The following PTPN11 variants were observed in gnomAD, a reference collection of about 807,000 sequenced individuals.
The protein encoded by PTPN11 is protein tyrosine phosphatase non-receptor type 11.
In PTPN11, 6 loss-of-function variants were observed where a neutral mutation model predicts 78.8. The ratio of observed to expected loss-of-function variants is 0.08; its 90% CI spans 0.04 to 0.15. PTPN11 has a LOEUF of 0.15. Ranked by LOEUF, PTPN11 falls within the 10% of genes least tolerant of loss-of-function variation. The probability of loss-of-function intolerance (pLI) is 1.00; values close to 1 mark genes in which losing one functional copy is unlikely to be tolerated. For missense variants in PTPN11, 386 were observed against 744.8 expected, an observed-to-expected ratio of 0.52 and a Z score of 5.61; for synonymous variants, 221 against 263.5, an observed-to-expected ratio of 0.84 and a Z score of 1.56.
chr12:112,499,571 C>T (rs1268405765), intron 13 of PTPN11, among the ~76,000 whole-genome samples: 1 of 152,060 alleles, frequency 6.6e-6, no homozygotes, highest in Non-Finnish European at 1.5e-5. Flanking sequence ...AACTCCTAAC[C>T]TCAAGTGACC....
chr12:112,480,989 G>C (rs1380715152), intron 9 of PTPN11, among the ~76,000 whole-genome samples: 3 of 152,160 alleles, frequency 2.0e-5, no homozygotes, highest in Admixed American at 2.0e-4. Flanking sequence ...TGATTTTCTT[G>C]GTGCCATATT....
At chr12:112,468,127 G>A (rs551247169) in intron 6 of PTPN11, among the ~76,000 whole-genome samples, 1 of 152,268 alleles carries the variant, frequency 6.6e-6, no homozygotes, top group South Asian at 2.1e-4. Flanking sequence ...CTGGCAGCCT[G>A]TGTCCCTGCT....
At chr12:112,491,555 C>T (rs192116410) in intron 13 of PTPN11, among the ~76,000 whole-genome samples, 7 of 152,216 alleles carry the variant, frequency 4.6e-5, no homozygotes, top group Admixed American at 3.9e-4. Flanking sequence ...TCTTACATAA[C>T]CAATGTCACA....
At chr12:112,445,065 A>G (rs554522104) in intron 1 of PTPN11, among the ~76,000 whole-genome samples, 18 of 151,444 alleles carry the variant, frequency 1.2e-4, no homozygotes, top group African/African-American at 3.1e-4. Flanking sequence ...GTATATATAT[A>G]TGTGTGTGTG....
chr12:112,420,204 T>C (rs1290983043), intron 1 of PTPN11, among the ~76,000 whole-genome samples: 2 of 152,190 alleles, frequency 1.3e-5, no homozygotes, highest in Admixed American at 6.5e-5. Context: ...TCCTGCTATT[T>C]TGTATAGTCA....
chr12:112,491,705 T>A (rs2038746457), intron 13 of PTPN11, among the ~76,000 whole-genome samples: 1 of 152,182 alleles, frequency 6.6e-6, no homozygotes, highest in Non-Finnish European at 1.5e-5. Context: ...CTATAATGTA[T>A]CTTTTTTCTC....
At chr12:112,452,254 G>T (rs1031105703) in intron 3 of PTPN11, among the ~76,000 whole-genome samples, 4 of 150,210 alleles carry the variant, frequency 2.7e-5, no homozygotes, top group Non-Finnish European at 4.4e-5. Flanking sequence ...TTGAGATGGA[G>T]TTTCGCTCGT....
chr12:112,505,692 G>T (rs1486333285), intron 15 of PTPN11, 133 bp from the exon 16 acceptor site: 1 of 149,158 alleles, frequency 6.7e-6, no homozygotes, highest in Non-Finnish European at 1.5e-5. Context: ...CTCAGTGTCA[G>T]TATTTCATGT....
chr12:112,422,909 C>A (rs1284195057), intron 1 of PTPN11, among the ~76,000 whole-genome samples: 1 of 152,152 alleles, frequency 6.6e-6, no homozygotes, highest in Non-Finnish European at 1.5e-5. Context: ...TGTTAGGCAG[C>A]CACAGAACAA....
At chr12:112,460,929 C>A (rs577620506) in intron 6 of PTPN11, among the ~76,000 whole-genome samples, 23 of 152,252 alleles carry the variant, frequency 1.5e-4, no homozygotes, top group Middle Eastern at 3.4e-3. Flanking sequence ...TTCCCCCTCT[C>A]CCTGTCTTTT....
chr12:112,480,037 CAGTGT>C (rs1423580706), intron 9 of PTPN11, among the ~76,000 whole-genome samples: 1 of 152,190 alleles, frequency 6.6e-6, no homozygotes, highest in East Asian at 1.9e-4. Flanking sequence ...TTTTAAAAGA[CAGTGT>C]ATTAGTTCTC....
chr12:112,448,450 C>T (rs1443725191), intron 2 of PTPN11, among the ~76,000 whole-genome samples: 1 of 151,652 alleles, frequency 6.6e-6, no homozygotes, highest in Non-Finnish European at 1.5e-5. Flanking sequence ...CTCTTGGCCT[C>T]AAGGGATCTG....
chr12:112,450,690 CT>C (rs2038067801), intron 3 of PTPN11, among the ~76,000 whole-genome samples, 178 bp downstream of exon 3: 1 of 152,084 alleles, frequency 6.6e-6, no homozygotes, highest in South Asian at 2.1e-4. Context: ...TTCAGAGTAC[CT>C]TTTTCCTGCA....
intron 6 of PTPN11, among the ~76,000 whole-genome samples, chr12:112,470,155 C>T (rs1215276458): frequency 2.0e-5 from 3 of 152,144 alleles, no homozygotes; most frequent in South Asian, 2.1e-4. Flanking sequence ...CTCCTGTCCT[C>T]GAGCAAAAAT....
chr12:112,473,156 C>T, intron 7 of PTPN11, 116 bp downstream of exon 7: 1 of 828,146 alleles, frequency 1.2e-6, no homozygotes, highest in East Asian at 2.6e-5. Flanking sequence ...GCCTTAGCTT[C>T]TTTAATTGCA....
At chr12:112,473,111 C>T in intron 7 of PTPN11, 71 bp downstream of exon 7, 1 of 1,280,758 alleles carries the variant, frequency 7.8e-7, no homozygotes, top group South Asian at 1.2e-5. Context: ...CTGTACCTTT[C>T]CTCAGGGTCG....
intron 6 of PTPN11, among the ~76,000 whole-genome samples, chr12:112,459,488 A>G (rs550711187): frequency 3.4e-5 from 5 of 146,096 alleles, no homozygotes; most frequent in African/African-American, 1.3e-4. Context: ...TGTTTTTGAG[A>G]TGGAGTCTCA....
intron 7 of PTPN11, 139 bp from the exon 8 acceptor site, chr12:112,477,512 C>T (rs1407867550): frequency 2.9e-6 from 2 of 695,348 alleles, no homozygotes; most frequent in East Asian, 2.7e-5. Context: ...TTTTGCTTAC[C>T]TGGGCTTTAA....
intron 6 of PTPN11, among the ~76,000 whole-genome samples, chr12:112,467,954 A>T (rs2038355934): frequency 6.6e-6 from 1 of 152,178 alleles, no homozygotes; most frequent in South Asian, 2.1e-4. Context: ...GGGGACAGAC[A>T]TCCAAACCGT....
Sources: gnomAD v4.1 joint callset for allele counts (sites outside exome capture counted in the v4.1 genomes callset) on GRCh38, gnomAD v4.1.1 for gene constraint, MANE v1.5 for transcripts, NCBI Gene and HGNC (gene_info 2026-07-23, HGNC 2026-07-21) for gene names.